The following TGFBR3 variants were observed in gnomAD, a reference collection of about 807,000 sequenced individuals.
The protein encoded by TGFBR3 is transforming growth factor beta receptor 3.
TGFBR3 carries 46 observed loss-of-function variants against 87.9 expected under a neutral mutation model. The ratio of observed to expected loss-of-function variants is 0.52; its 90% CI spans 0.41 to 0.67. TGFBR3 has a LOEUF of 0.67. TGFBR3 is among the 30% of genes least tolerant of loss of function. The pLI is 0.00. For missense variants in TGFBR3, 866 were observed against 1,041.9 expected (o/e 0.83, Z 2.32); for synonymous variants, 381 against 391.6 (o/e 0.97, Z 0.32).
intron 14 of TGFBR3, among the ~76,000 whole-genome samples, chr1:91,706,424 A>G (rs1271796609): frequency 6.6e-6 from 1 of 152,238 alleles, no homozygotes; most frequent in Non-Finnish European, 1.5e-5. Flanking sequence ...TACACTAAGT[A>G]TAATACATTA....
upstream of TGFBR3, chr1:91,886,238 G>C (rs928381239): frequency 1.8e-5 from 8 of 444,646 alleles, no homozygotes; most frequent in Middle Eastern, 7.0e-4. Context: ...ATCAGCGCGC[G>C]GGGGGAAGGG....
chr1:91,815,516 C>T (rs1487034603), intron 2 of TGFBR3, among the ~76,000 whole-genome samples: 1 of 151,942 alleles, frequency 6.6e-6, no homozygotes, highest in Non-Finnish European at 1.5e-5. Flanking sequence ...ACCCACTTTA[C>T]GTTACAAAAA....
At chr1:91,790,887 T>C (rs1469446099) in intron 3 of TGFBR3, among the ~76,000 whole-genome samples, 1 of 152,164 alleles carries the variant, frequency 6.6e-6, no homozygotes, top group Non-Finnish European at 1.5e-5. Flanking sequence ...TTTAGTGGTG[T>C]TGGGCAAGGC....
At chr1:91,697,017 C>A (rs1221252387) in intron 15 of TGFBR3, among the ~76,000 whole-genome samples, 1 of 152,104 alleles carries the variant, frequency 6.6e-6, no homozygotes, top group African/African-American at 2.4e-5. Context: ...CTGAAAAATG[C>A]GGATAGCTTT....
chr1:91,841,751 G>A (rs1022910347), intron 2 of TGFBR3, among the ~76,000 whole-genome samples: 27 of 141,500 alleles, frequency 1.9e-4, no homozygotes, highest in Admixed American at 3.9e-4. Context: ...CTGAGATCAC[G>A]CCACTGCACT....
At chr1:91,705,570 CA>C (rs1217653628) in intron 14 of TGFBR3, among the ~76,000 whole-genome samples, 4 of 152,100 alleles carry the variant, frequency 2.6e-5, no homozygotes, top group Non-Finnish European at 5.9e-5. Flanking sequence ...CACCTTGAGG[CA>C]GAAAGCACAG....
chr1:91,790,289 T>A (rs1188793590), intron 3 of TGFBR3, among the ~76,000 whole-genome samples: 4 of 152,222 alleles, frequency 2.6e-5, no homozygotes, highest in Non-Finnish European at 1.5e-5. Flanking sequence ...ATATTCAGCA[T>A]AGTAACATGC....
At chr1:91,843,333 A>C (rs184262117) in intron 2 of TGFBR3, among the ~76,000 whole-genome samples, 3 of 152,280 alleles carry the variant, frequency 2.0e-5, no homozygotes, top group South Asian at 2.1e-4. Context: ...TGTCTTTTTG[A>C]GGACTGTATC....
intron 6 of TGFBR3, among the ~76,000 whole-genome samples, chr1:91,728,277 A>T (rs1267771236): frequency 3.3e-5 from 5 of 152,112 alleles, no homozygotes; most frequent in Admixed American, 6.5e-5. Context: ...AAAAAAAAAA[A>T]TTAGGAAACT....
chr1:91,884,160 A>T (rs2101303417), intron 1 of TGFBR3, among the ~76,000 whole-genome samples: 1 of 150,618 alleles, frequency 6.6e-6, no homozygotes, highest in East Asian at 2.0e-4. Context: ...TCTCTACTAA[A>T]AATACAAAAG....
intron 15 of TGFBR3, among the ~76,000 whole-genome samples, chr1:91,696,504 A>G (rs879394779): frequency 6.6e-6 from 1 of 152,228 alleles, no homozygotes; most frequent in Non-Finnish European, 1.5e-5. Context: ...TCAGCAAAAC[A>G]TATAAATAGA....
chr1:91,897,906 A>C (rs1679584477), intron 2 of TGFBR3, among the ~76,000 whole-genome samples: 1 of 152,126 alleles, frequency 6.6e-6, no homozygotes, highest in Admixed American at 6.5e-5. Context: ...AAAATATTAC[A>C]GCCGGGCATC....
chr1:91,880,454 T>C (rs919585822), intron 1 of TGFBR3, among the ~76,000 whole-genome samples: 13 of 151,790 alleles, frequency 8.6e-5, no homozygotes, highest in African/African-American at 2.9e-4. Context: ...AAAAATTAGC[T>C]GGGCGTGGTG....
At chr1:91,703,269 T>C (rs188708939) in intron 14 of TGFBR3, among the ~76,000 whole-genome samples, 52 of 152,214 alleles carry the variant, frequency 3.4e-4, no homozygotes, top group Admixed American at 1.3e-3. Flanking sequence ...TTCCAAAAAG[T>C]AATGCCTCTC....
chr1:91,714,169 C>T (rs894551425), intron 12 of TGFBR3, among the ~76,000 whole-genome samples: 3 of 151,804 alleles, frequency 2.0e-5, no homozygotes, highest in Non-Finnish European at 2.9e-5. Flanking sequence ...TGCTGGGCAC[C>T]GAGACTCAGT....
intron 3 of TGFBR3, among the ~76,000 whole-genome samples, chr1:91,796,368 T>A (rs566809303): frequency 6.6e-6 from 1 of 152,194 alleles, no homozygotes; most frequent in Admixed American, 6.5e-5. Flanking sequence ...GTAGGATTCA[T>A]GGAGTTACTG....
intron 2 of TGFBR3, among the ~76,000 whole-genome samples, chr1:91,814,332 T>C (rs1676137381): frequency 6.6e-6 from 1 of 152,198 alleles, no homozygotes. Flanking sequence ...AATCGTTTCT[T>C]TGCCCGAGAG....
chr1:91,759,466 G>A (rs1673878526), intron 3 of TGFBR3, among the ~76,000 whole-genome samples: 1 of 150,684 alleles, frequency 6.6e-6, no homozygotes, highest in African/African-American at 2.4e-5. Context: ...GCAGATCAAG[G>A]ACTATTGCAG....
rs535806204 is a variant in TGFBR3 at position 91,692,002 on chromosome 1, C to CA, written c.2437+3669dup. 3.9e-3 allele frequency among the ~76,000 whole-genome samples: 566 copies of CA among 146,486 alleles called. 3 individuals are homozygous for CA. The highest frequency in any genetic ancestry group is 0.013 in the African/African-American group (517 of 39,660). ...GACAGAGCGAGACTCCGTCTCAAAA[C>CA]AAAAAAAAGAAAAAAAAGAAAAGAA... On this transcript the variant is annotated intron_variant, in intron 16 of 16. Transcript: ENST00000212355.
Sources: gnomAD v4.1 joint callset for allele counts (sites outside exome capture counted in the v4.1 genomes callset) on GRCh38, gnomAD v4.1.1 for gene constraint, MANE v1.5 for transcripts, NCBI Gene and HGNC (gene_info 2026-07-23, HGNC 2026-07-21) for gene names.